The following ISM2 variants were observed in gnomAD, a reference collection of about 807,000 sequenced individuals.
The protein encoded by ISM2 is isthmin 2, also known as isthmin-2.
ISM2 carries 50 observed loss-of-function variants against 58.0 expected under a neutral mutation model. The ratio of observed to expected loss-of-function variants is 0.86; its 90% CI spans 0.69 to 1.09. The LOEUF (loss-of-function observed/expected upper bound fraction) is 1.09. Ranked by LOEUF, ISM2 falls within the 50% of genes least tolerant of loss-of-function variation. The pLI, the probability that ISM2 is intolerant of heterozygous loss-of-function variation, is 0.00. For synonymous variants in ISM2, 303 were observed against 312.4 expected, an observed-to-expected ratio of 0.97 and a Z score of 0.32; for missense variants, 723 against 745.0, an observed-to-expected ratio of 0.97 and a Z score of 0.34.
rs527418778 is a variant in ISM2, at chr14:77,486,271, T to C, written c.142-1352A>G. Among the ~76,000 whole-genome samples, 455 of 106,098 alleles carry C rather than the reference T, an allele frequency of 4.3e-3. 3 individuals are homozygous for C. The highest frequency in any genetic ancestry group is 0.013 in the African/African-American group (427 of 32,312). 69.6% of individuals were successfully genotyped at this position (106,098 alleles called of 152,430 possible). A position where few individuals can be genotyped will look rare whatever the true frequency, so the allele number is the denominator to read the frequency against. On this transcript the variant is annotated intron_variant, in intron 1 of 6. Transcript: ENST00000342219. ...ATCAGCCTAGTTTCTCACTCTTACT[T>C]TTTTTTCTTGAAAGTTTGGAAACAG...
rs1157106434 is a variant in ISM2, at chr14:77,482,359, G to A, written c.936C>T (p.Ala312=). The change falls in exon 4 of 7, where the codon GCC becomes GCT. Residue 312 remains alanine, a synonymous_variant. Transcript: ENST00000342219. ...TTDNWDQGWL[A]PGDWVFKDSV... is the part of the protein sequence containing the mutation. ...AATCCTTGAAGACCCAATCCCCGGG[G>A]GCCAGCCAGCCCTGGTCCCAGTTGT... 31 of 1,613,752 alleles carry A rather than the reference G, an allele frequency of 1.9e-5. No individual in the cohort carries two copies. Among genetic ancestry groups the A allele is most frequent in the Non-Finnish European group, 2.5e-5 (30 of 1,179,960 alleles).
At chr14:77,480,016 G>A (rs1217030250) in intron 4 of ISM2, among the ~76,000 whole-genome samples, 2 of 152,050 alleles carry the variant, frequency 1.3e-5, no homozygotes, top group Non-Finnish European at 2.9e-5. Flanking sequence ...CCTTGCACTG[G>A]AGATATTTAA....
rs890587871 is a variant in ISM2 at position 77,484,191 on chromosome 14, G to A, written c.627+132C>T. The A allele has an allele frequency of 2.7e-5, 32 of 1,176,092 alleles. No homozygotes were observed. The East Asian group carries it at 4.5e-4, about 16-fold the overall frequency. 72.9% of individuals were successfully genotyped at this position (1,176,092 alleles called of 1,614,324 possible). A position where few individuals can be genotyped will look rare whatever the true frequency, so the allele number is the denominator to read the frequency against. ...CTACACCACAGGGAGAGCATGGGGA[G>A]CCTGCCCTCTGACCCCACACAGCAG... On this transcript the variant is annotated intron_variant, in intron 3 of 6. Transcript: ENST00000342219.
intron 1 of ISM2, among the ~76,000 whole-genome samples, chr14:77,495,110 G>C (rs1450525824): frequency 6.6e-6 from 1 of 151,972 alleles, no homozygotes; most frequent in East Asian, 1.9e-4. Context: ...GGCTGGTCTT[G>C]AACTCCTGGG....
intron 4 of ISM2, among the ~76,000 whole-genome samples, chr14:77,479,213 C>T (rs147802512): frequency 2.0e-5 from 3 of 152,084 alleles, no homozygotes; most frequent in African/African-American, 4.8e-5. Flanking sequence ...ACTACAGGTA[C>T]GTGCCACTAG....
At position 77,475,299 on chromosome 14, in the gene ISM2, G is replaced by A. The variant is rs1173804206; in HGVS notation, c.*296C>T. ...CTCCCAAGGAGGAGAAAAATGAGTG[G>A]CCAGGGTCCCAGCAGGCAGCAGAGG... On this transcript the variant is annotated 3_prime_UTR_variant, in exon 7 of 7. Transcript: ENST00000342219. The surrounding 1 kb of genome is among the most constrained non-coding windows in gnomAD (Gnocchi z 4.1). 7.9e-6 allele frequency: 2 copies of A among 254,208 alleles called. No homozygotes were observed. Among genetic ancestry groups the A allele is most frequent in the East Asian group, 7.9e-5 (1 of 12,704 alleles). The allele number at this position is 254,208 out of a possible 1,614,324, so 15.7% of individuals were successfully genotyped here.
chr14:77,480,558 T>C (rs897168015), intron 4 of ISM2, among the ~76,000 whole-genome samples: 1 of 141,558 alleles, frequency 7.1e-6, no homozygotes, highest in African/African-American at 2.7e-5. Flanking sequence ...CTTTTTTTTT[T>C]TTTTTTTTTT....
intron 3 of ISM2, chr14:77,484,105 A>G: frequency 1.8e-6 from 1 of 542,478 alleles, no homozygotes; most frequent in Non-Finnish European, 3.2e-6. Context: ...AAAGGCTCAA[A>G]GAGTCAAAAG....
intron 1 of ISM2, among the ~76,000 whole-genome samples, chr14:77,486,218 T>G (rs927757437): frequency 6.6e-6 from 1 of 152,250 alleles, no homozygotes; most frequent in African/African-American, 2.4e-5. Flanking sequence ...GTGATAGTAT[T>G]GTATCCCCTT....
chr14:77,475,912 T>G lies in ISM2; in HGVS notation c.1399A>C (p.Ile467Leu). ...DASGPRERLD[I>L]YQPTARFCLR... ...CAGAAGCGCGCCGTGGGCTGGTAGA[T>G]GTCCAGGCGCTCGCGAGGGCCACTG... Residue 467 changes from isoleucine (I) to leucine (L), a missense_variant, in exon 7 of 7, where the codon ATC becomes CTC. By Grantham distance (5) the Ile-to-Leu change is conservative (BLOSUM62 2). Coordinates refer to ENST00000342219, the MANE Select transcript of ISM2 (RefSeq NM_199296.3). This position sits in a 1 kb window ranked among gnomAD's most constrained non-coding sequence, Gnocchi z 4.1. 6.2e-7 allele frequency: 1 copy of G among 1,601,588 alleles called. No individual in the cohort carries two copies. Among genetic ancestry groups the G allele is most frequent in the Non-Finnish European group, 8.5e-7 (1 of 1,179,874 alleles).
chr14:77,475,474 A>G lies in ISM2; in HGVS notation c.*121T>C, dbSNP rs2079090322. ...GCAGAGGGCACACAGCCTCGGACCA[A>G]CCTCACTGGGGGAGCCCTTTCCTCA... On this transcript the variant is annotated 3_prime_UTR_variant, in exon 7 of 7. Coordinates refer to ENST00000342219, the MANE Select transcript of ISM2 (RefSeq NM_199296.3). The surrounding 1 kb of genome is among the most constrained non-coding windows in gnomAD (Gnocchi z 4.1). 2 of 1,099,580 alleles carry G rather than the reference A, an allele frequency of 1.8e-6. No homozygotes were observed. The highest frequency in any genetic ancestry group is 2.6e-6 in the Non-Finnish European group (2 of 771,930). The allele number at this position is 1,099,580 out of a possible 1,614,324, so 68.1% of individuals were successfully genotyped here.
chr14:77,486,166 G>A (rs2079166514), intron 1 of ISM2, among the ~76,000 whole-genome samples: 1 of 152,254 alleles, frequency 6.6e-6, no homozygotes. Flanking sequence ...AAACCAGGCA[G>A]TCTGGGCCTA....
chr14:77,480,544 TTTCC>T (rs2079125208), intron 4 of ISM2, among the ~76,000 whole-genome samples: 1 of 128,070 alleles, frequency 7.8e-6, no homozygotes, highest in African/African-American at 2.9e-5. Flanking sequence ...ACGGAAATTT[TTTCC>T]TTTTTTTTTT....
intron 1 of ISM2, 28 bp downstream of exon 1, chr14:77,498,625 T>C (rs2139978849): frequency 7.1e-7 from 1 of 1,413,502 alleles, no homozygotes; most frequent in African/African-American, 1.5e-5. Context: ...GACAGCGCGC[T>C]CCGCAGCCCG....
At chr14:77,486,452 T>A (rs1200221768) in intron 1 of ISM2, among the ~76,000 whole-genome samples, 1 of 152,166 alleles carries the variant, frequency 6.6e-6, no homozygotes, top group Non-Finnish European at 1.5e-5. Context: ...AGCCCTCTAG[T>A]CTAGACAGCA....
chr14:77,475,802 A>T lies in ISM2; in HGVS notation c.1509T>A (p.Arg503=). ...GGTTGGGCATGCCGGCGCCCTTGCC[A>T]CGGGTCAGCAGCCGGCTGTCCTCGT... The part of the protein sequence containing the change: ...CYDEDSRLLT[R]GKGAGMPNLI... The change falls in exon 7 of 7, where the codon CGT becomes CGA. Residue 503 remains arginine, a synonymous_variant. Transcript: ENST00000342219. This position sits in a 1 kb window ranked among gnomAD's most constrained non-coding sequence, Gnocchi z 4.1. The T allele has an allele frequency of 1.2e-6, 2 of 1,613,282 alleles. No individual in the cohort carries two copies. The highest frequency in any genetic ancestry group is 1.7e-6 in the Non-Finnish European group (2 of 1,179,838).
chr14:77,496,800 A>G (rs12889863), intron 1 of ISM2, among the ~76,000 whole-genome samples: 39 of 8,758 alleles, frequency 4.5e-3, no homozygotes, highest in South Asian at 0.037. Flanking sequence ...CCATCTCAGG[A>G]AAAAAAAAAA....
rs1282871554 is a variant in ISM2 at position 77,475,438 on chromosome 14, C to T, written c.*157G>A. On this transcript the variant is annotated 3_prime_UTR_variant, in exon 7 of 7. Coordinates refer to ENST00000342219, the MANE Select transcript of ISM2 (RefSeq NM_199296.3). This position sits in a 1 kb window ranked among gnomAD's most constrained non-coding sequence, Gnocchi z 4.1. ...ACTAACCCCACTGAGATATCTGCTTCGGGGTCGCTGGCAGAGGGCACACAG... is the reference window on the plus strand; with the variant it reads ...ACTAACCCCACTGAGATATCTGCTTTGGGGTCGCTGGCAGAGGGCACACAG... 2.1e-5 allele frequency: 14 copies of T among 663,246 alleles called. No individual in the cohort carries two copies. The highest frequency in any genetic ancestry group is 3.2e-5 in the Non-Finnish European group (13 of 404,660). The allele number at this position is 663,246 out of a possible 1,614,324, so 41.1% of individuals were successfully genotyped here.
At chr14:77,489,862 CTTTT>C (rs370534804) in intron 1 of ISM2, among the ~76,000 whole-genome samples, 55 of 152,272 alleles carry the variant, frequency 3.6e-4, no homozygotes, top group African/African-American at 1.3e-3. Context: ...CTCATATTTT[CTTTT>C]TTTATTTTAG....
Sources: allele counts gnomAD v4.1 joint callset (sites outside exome capture counted in the v4.1 genomes callset), GRCh38; gene constraint gnomAD v4.1.1; non-coding constraint Gnocchi (gnomAD v3.1); transcripts MANE v1.5; gene names NCBI Gene and HGNC (gene_info 2026-07-23, HGNC 2026-07-21).